Variants in MYBL2 observed in about 807,000 individuals in gnomAD.
MYBL2 encodes myb-related protein B.
A neutral mutation model predicts 79.9 loss-of-function variants in MYBL2; 28 were observed. The ratio of observed to expected loss-of-function variants is 0.35; its 90% CI spans 0.26 to 0.48. The LOEUF (loss-of-function observed/expected upper bound fraction) is 0.48, where lower values mean the gene tolerates loss of function less well. Ranked by LOEUF, MYBL2 falls within the 20% of genes least tolerant of loss-of-function variation. MYBL2 has a pLI of 0.99. For missense variants in MYBL2, 735 were observed against 893.9 expected (o/e 0.82, Z 2.27); for synonymous variants, 378 against 361.2 (o/e 1.05, Z -0.53).
chr20:43,694,070 C>A (rs1987475435), intron 6 of MYBL2, among the ~76,000 whole-genome samples: 1 of 151,686 alleles, frequency 6.6e-6, no homozygotes. Flanking sequence ...CGGTGGCTCA[C>A]GCCTGTAATT....
At chr20:43,686,554 T>A (rs1987277487) in intron 4 of MYBL2, among the ~76,000 whole-genome samples, 1 of 152,242 alleles carries the variant, frequency 6.6e-6, no homozygotes. Context: ...GAAGCAGGAC[T>A]CTGGCGCCTT....
chr20:43,704,433 C>T (rs1047432993), intron 8 of MYBL2, among the ~76,000 whole-genome samples: 1 of 152,182 alleles, frequency 6.6e-6, no homozygotes, highest in Non-Finnish European at 1.5e-5. Flanking sequence ...CTGTAACATG[C>T]CGCAAGTGAG....
At chr20:43,704,260 C>T (rs1265216145) in intron 8 of MYBL2, among the ~76,000 whole-genome samples, 1 of 152,230 alleles carries the variant, frequency 6.6e-6, no homozygotes, top group African/African-American at 2.4e-5. Context: ...AAGTGATCCA[C>T]CTGCCTCGGC....
Position 43,705,672 on chromosome 20 carries a change from ATATTTATTTATTTATTTATT to A in MYBL2, c.1505+340_1505+359del, listed in dbSNP as rs138328914. The stretch of plus-strand genomic sequence containing the variant: ...CCACCATGCTCAGCTAATTAAAAAA[ATATTTATTTATTTATTTATT>A]TATTTATTTATTTATTTATTTATTT... On this transcript the variant is annotated intron_variant, in intron 9 of 13. Coordinates refer to ENST00000217026, the MANE Select transcript of MYBL2 (RefSeq NM_002466.4). Among the ~76,000 whole-genome samples, 1,081 of 144,720 alleles carry A rather than the reference ATATTTATTTATTTATTTATT, an allele frequency of 7.5e-3. 14 individuals are homozygous for A. The highest frequency in any genetic ancestry group is 0.026 in the African/African-American group (995 of 38,584). 94.9% of individuals were successfully genotyped at this position (144,720 alleles called of 152,430 possible).
At chr20:43,689,007 C>G (rs536809684) in intron 5 of MYBL2, among the ~76,000 whole-genome samples, 1 of 152,184 alleles carries the variant, frequency 6.6e-6, no homozygotes, top group Non-Finnish European at 1.5e-5. Context: ...CCAGGCTAGT[C>G]TTGAACTCCT....
intron 7 of MYBL2, 106 bp from the exon 8 acceptor site, chr20:43,702,384 C>A: frequency 8.1e-7 from 1 of 1,236,496 alleles, no homozygotes; most frequent in Non-Finnish European, 1.1e-6. Context: ...ATGATTGGTC[C>A]TGGGCTGTGG....
At chr20:43,672,473 CAG>C (rs1191390125) in intron 1 of MYBL2, among the ~76,000 whole-genome samples, 7 of 151,642 alleles carry the variant, frequency 4.6e-5, no homozygotes, top group African/African-American at 1.7e-4. Flanking sequence ...TGGCCAGTCA[CAG>C]TGGCTCAGGC....
At chr20:43,679,448 A>G (rs1454736096) in intron 2 of MYBL2, among the ~76,000 whole-genome samples, 1 of 152,160 alleles carries the variant, frequency 6.6e-6, no homozygotes, top group African/African-American at 2.4e-5. Flanking sequence ...GTTTTGCAAA[A>G]GATCTCTAAA....
rs779457386 is a variant in MYBL2 at position 43,709,979 on chromosome 20, CAGA to C, written c.1525_1527del (p.Lys509del). ...CCCTGGCAGGTTTGTAACCCCAGATCAGAAGTACTCCATGGACAACACTCCCCA... is the reference window on the plus strand; with the variant it reads ...CCCTGGCAGGTTTGTAACCCCAGATCAGTACTCCATGGACAACACTCCCCA... On this transcript the variant is annotated inframe_deletion, in exon 10 of 14. Coordinates refer to ENST00000217026, the MANE Select transcript of MYBL2 (RefSeq NM_002466.4). The C allele has an allele frequency of 1.2e-5, 20 of 1,607,382 alleles. No individual in the cohort carries two copies. Among genetic ancestry groups the C allele is most frequent in the Non-Finnish European group, 1.6e-5 (19 of 1,176,908 alleles).
chr20:43,670,135 T>TG (rs1200374564), intron 1 of MYBL2, among the ~76,000 whole-genome samples: 1 of 151,966 alleles, frequency 6.6e-6, no homozygotes, highest in Admixed American at 6.6e-5. Flanking sequence ...CAAACAGCAT[T>TG]GGAGCACCAG....
rs1987947675 is a variant in MYBL2, at chr20:43,713,063, A to T, written c.1781A>T (p.Asp594Val). Residue 594 changes from aspartate to valine, a missense_variant, in exon 12 of 14, where the codon GAT (aspartate) becomes GTT (valine). By Grantham distance (152) the Asp-to-Val change is radical (BLOSUM62 -3). Transcript: ENST00000217026. Reference protein sequence around the residue: ...KSLALDIVDEDVKLMMSTLPK... With the variant: ...KSLALDIVDEVVKLMMSTLPK... ...CTGGCTCTTGACATTGTGGATGAGGATGTGAAGCTGATGATGTCCACACTG... is the reference window on the plus strand; with the variant it reads ...CTGGCTCTTGACATTGTGGATGAGGTTGTGAAGCTGATGATGTCCACACTG... 6.2e-7 allele frequency: 1 copy of T among 1,613,456 alleles called. No individual in the cohort carries two copies.
intron 11 of MYBL2, among the ~76,000 whole-genome samples, chr20:43,712,022 G>A (rs34815464): frequency 0.042 from 6,320 of 151,656 alleles, 149 homozygotes; most frequent in East Asian, 0.085. Flanking sequence ...TTGGGTGGAG[G>A]CGAGGCGGTC....
chr20:43,685,636 T>TC, intron 4 of MYBL2, among the ~76,000 whole-genome samples: 1 of 152,238 alleles, frequency 6.6e-6, no homozygotes, highest in East Asian at 1.9e-4. Flanking sequence ...GTGCCTGTAA[T>TC]CCCAGCTACT....
chr20:43,673,710 C>A, intron 1 of MYBL2, 96 bp from the exon 2 acceptor site: 1 of 1,183,274 alleles, frequency 8.5e-7, no homozygotes, highest in Non-Finnish European at 1.3e-6. Context: ...TCCCCCAGAC[C>A]TTTCCCTAGG....
intron 2 of MYBL2, among the ~76,000 whole-genome samples, chr20:43,675,604 C>T (rs192079403): frequency 1.1e-3 from 161 of 152,282 alleles, no homozygotes; most frequent in African/African-American, 3.7e-3. Context: ...TGAGCCACTA[C>T]GGTGAGCCGG....
At position 43,714,309 on chromosome 20, in the gene MYBL2, T is replaced by C. The variant is rs558043116; in HGVS notation, c.1825-825T>C. 2.0e-5 allele frequency among the ~76,000 whole-genome samples: 3 copies of C among 152,312 alleles called. No homozygotes were observed. The South Asian group carries it at 6.2e-4, about 32-fold the overall frequency. Reference sequence around the variant, plus strand: ...GTGCTTGGGGTTGAAGCTGCGTCTTTATGATGCTTGTGGATGTTTCTGGTC... The same window carrying C: ...GTGCTTGGGGTTGAAGCTGCGTCTTCATGATGCTTGTGGATGTTTCTGGTC... On this transcript the variant is annotated intron_variant, in intron 12 of 13. Transcript: ENST00000217026.
In MYBL2 at chr20:43,691,759, G is replaced by A. The variant is rs185168462; in HGVS notation, c.501-398G>A. 4.0e-4 allele frequency among the ~76,000 whole-genome samples: 60 copies of A among 151,778 alleles called. 2 individuals are homozygous for A. In the East Asian group the frequency reaches 0.01, roughly 26 times the overall value. On this transcript the variant is annotated intron_variant, in intron 5 of 13. Transcript: ENST00000217026. ...TCTCTGTGTTGGTCAGGCTGGTCTC[G>A]AACTCCCGATCTCAGGTGATCTGCT...
At chr20:43,673,704 C>G in intron 1 of MYBL2, 102 bp from the exon 2 acceptor site, 1 of 1,093,136 alleles carries the variant, frequency 9.1e-7, no homozygotes, top group Non-Finnish European at 1.4e-6. Flanking sequence ...CCTCTCTCCC[C>G]CAGACCTTTC....
intron 5 of MYBL2, among the ~76,000 whole-genome samples, chr20:43,689,745 T>C (rs1987361985): frequency 6.6e-6 from 1 of 152,214 alleles, no homozygotes; most frequent in Admixed American, 6.5e-5. Context: ...TAACTGTCAA[T>C]GGCAGCCACT....
Sources: allele counts gnomAD v4.1 joint callset (sites outside exome capture counted in the v4.1 genomes callset), GRCh38; gene constraint gnomAD v4.1.1; transcripts MANE v1.5; gene names NCBI Gene and HGNC (gene_info 2026-07-23, HGNC 2026-07-21).